PDE3A: variants seen among roughly 807,000 people sequenced by gnomAD.
PDE3A encodes cGMP-inhibited 3',5'-cyclic phosphodiesterase 3A.
PDE3A carries 43 observed loss-of-function variants against 98.3 expected under a neutral mutation model. That is an observed-to-expected ratio of 0.44 (90% confidence interval 0.34 to 0.56). The LOEUF is 0.56. Among genes scored for constraint, PDE3A ranks in the 20% least tolerant of loss-of-function variants. The pLI is 0.01. For missense variants in PDE3A, 1,427 were observed against 1,440.7 expected, an observed-to-expected ratio of 0.99 and a Z score of 0.15; for synonymous variants, 663 against 567.9, an observed-to-expected ratio of 1.17 and a Z score of -2.38.
intron 1 of PDE3A, among the ~76,000 whole-genome samples, chr12:20,532,690 T>C (rs1390602242): frequency 1.3e-3 from 13 of 9,830 alleles, no homozygotes; most frequent in Non-Finnish European, 3.0e-3. Flanking sequence ...TCTCTCTCTT[T>C]TTTTTTTTTT....
intron 1 of PDE3A, among the ~76,000 whole-genome samples, chr12:20,546,296 C>G (rs919088540): frequency 6.6e-6 from 1 of 151,846 alleles, no homozygotes; most frequent in African/African-American, 2.4e-5. Flanking sequence ...CAGACTTCCA[C>G]TCTTACTTTT....
chr12:20,464,864 TTA>T (rs1945313120), intron 1 of PDE3A, among the ~76,000 whole-genome samples: 3 of 151,526 alleles, frequency 2.0e-5, no homozygotes, highest in Non-Finnish European at 4.4e-5. Context: ...CAATCATATT[TTA>T]TAGAGAGAAA....
chr12:20,505,937 C>T (rs1225875499), intron 1 of PDE3A, among the ~76,000 whole-genome samples: 1 of 152,034 alleles, frequency 6.6e-6, no homozygotes. Context: ...TTGGTTAGTG[C>T]CCCCAAAACA....
rs193099095 is a variant in PDE3A, at chr12:20,400,330, A to G, written c.960+30086A>G. Among the ~76,000 whole-genome samples the G allele has an allele frequency of 3.8e-3, 560 of 145,588 alleles. 2 individuals are homozygous for G. Among genetic ancestry groups the G allele is most frequent in the African/African-American group, 0.014 (518 of 38,212 alleles). ...GCCAGACACTGATGAGGGTGGAGGT[A>G]GTAGCTGAGTCTTTTGTTATAAAAG... is the stretch of plus-strand genomic sequence containing the variant. On this transcript the variant is annotated intron_variant, in intron 1 of 15. Coordinates refer to ENST00000359062, the MANE Select transcript of PDE3A (RefSeq NM_000921.5).
chr12:20,430,949 C>T (rs1015591360), intron 1 of PDE3A, among the ~76,000 whole-genome samples: 37 of 152,122 alleles, frequency 2.4e-4, no homozygotes, highest in African/African-American at 8.9e-4. Flanking sequence ...CCGTCAGTTC[C>T]AGGCAAGTCA....
intron 1 of PDE3A, among the ~76,000 whole-genome samples, chr12:20,446,306 G>C (rs1329573547): frequency 6.6e-6 from 1 of 152,174 alleles, no homozygotes; most frequent in African/African-American, 2.4e-5. Flanking sequence ...CTTTCAGACG[G>C]TCATGTATTA....
At chr12:20,564,196 A>G (rs1203995889) in intron 2 of PDE3A, among the ~76,000 whole-genome samples, 1 of 152,096 alleles carries the variant, frequency 6.6e-6, no homozygotes, top group East Asian at 1.9e-4. Context: ...GAGGCCAGAA[A>G]CAACACCCTC....
intron 2 of PDE3A, among the ~76,000 whole-genome samples, chr12:20,562,569 A>G (rs1372098369): frequency 6.6e-6 from 1 of 152,004 alleles, no homozygotes; most frequent in Non-Finnish European, 1.5e-5. Context: ...GGACATTCCA[A>G]GGGGCCAATA....
intron 2 of PDE3A, among the ~76,000 whole-genome samples, chr12:20,588,949 G>A (rs1013873658): frequency 7.9e-5 from 12 of 152,124 alleles, no homozygotes; most frequent in African/African-American, 2.9e-4. Context: ...TTGAGACGGG[G>A]TCTCGCTCTG....
At chr12:20,517,589 A>C (rs990662934) in intron 1 of PDE3A, among the ~76,000 whole-genome samples, 2 of 152,176 alleles carry the variant, frequency 1.3e-5, no homozygotes, top group Non-Finnish European at 2.9e-5. Flanking sequence ...ATTTAGTTCT[A>C]CTGGATGATT....
intron 10 of PDE3A, among the ~76,000 whole-genome samples, chr12:20,643,143 G>A (rs1162490937): frequency 1.3e-5 from 2 of 152,092 alleles, no homozygotes; most frequent in Non-Finnish European, 2.9e-5. Flanking sequence ...AGGGCGAGGG[G>A]GTTGCCACAT....
At chr12:20,468,061 A>AT (rs1591963138) in intron 1 of PDE3A, among the ~76,000 whole-genome samples, 2 of 138,556 alleles carry the variant, frequency 1.4e-5, no homozygotes, top group Admixed American at 7.9e-5. Context: ...CAGCTTTGTG[A>AT]TTTTGTCCCA....
At chr12:20,512,641 GA>G (rs970030219) in intron 1 of PDE3A, among the ~76,000 whole-genome samples, 2 of 152,082 alleles carry the variant, frequency 1.3e-5, no homozygotes, top group African/African-American at 4.8e-5. Context: ...CAGAACATAA[GA>G]CATTTTAAGC....
intron 1 of PDE3A, among the ~76,000 whole-genome samples, chr12:20,521,396 G>T (rs1946423810): frequency 6.6e-6 from 1 of 151,984 alleles, no homozygotes; most frequent in African/African-American, 2.4e-5. Context: ...AAGCATTTTA[G>T]CCAGTCATTT....
intron 2 of PDE3A, among the ~76,000 whole-genome samples, chr12:20,611,900 A>T (rs1380701534): frequency 3.3e-5 from 5 of 150,866 alleles, no homozygotes; most frequent in Admixed American, 6.6e-5. Flanking sequence ...ATGAAATTTA[A>T]AAAAAAAAAT....
chr12:20,539,818 A>G (rs1230125135), intron 1 of PDE3A, among the ~76,000 whole-genome samples: 1 of 152,156 alleles, frequency 6.6e-6, no homozygotes, highest in Non-Finnish European at 1.5e-5. Context: ...ATTTAATTCT[A>G]AAACAAATGA....
At chr12:20,457,689 A>G (rs1343832735) in intron 1 of PDE3A, among the ~76,000 whole-genome samples, 1 of 151,816 alleles carries the variant, frequency 6.6e-6, no homozygotes, top group Non-Finnish European at 1.5e-5. Context: ...TACTTTTGGT[A>G]GGTTAAAAGT....
intron 1 of PDE3A, among the ~76,000 whole-genome samples, chr12:20,377,213 C>T (rs923705923): frequency 6.6e-6 from 1 of 151,660 alleles, no homozygotes; most frequent in African/African-American, 2.4e-5. Flanking sequence ...TGAAAACAGT[C>T]CTATAAACAT....
chr12:20,516,051 A>G (rs1254421910), intron 1 of PDE3A, among the ~76,000 whole-genome samples: 1 of 151,208 alleles, frequency 6.6e-6, no homozygotes, highest in Non-Finnish European at 1.5e-5. Flanking sequence ...TTTTTTCAGA[A>G]CATGTTGGCT....
Sources: allele counts gnomAD v4.1 joint callset (sites outside exome capture counted in the v4.1 genomes callset), GRCh38; gene constraint gnomAD v4.1.1; transcripts MANE v1.5; gene names NCBI Gene and HGNC (gene_info 2026-07-23, HGNC 2026-07-21).